Variants in ARHGEF10 observed in about 807,000 individuals in gnomAD.
The protein encoded by ARHGEF10 is Rho guanine nucleotide exchange factor (GEF) 10.
ARHGEF10 carries 140 observed loss-of-function variants against 147.4 expected under a neutral mutation model. That is an observed-to-expected ratio of 0.95 (90% CI 0.83 to 1.09). The LOEUF is 1.09. ARHGEF10 is among the 50% of genes least tolerant of loss of function. The pLI is 0.00. For missense variants in ARHGEF10, 2,222 were observed against 1,752.7 expected, an observed-to-expected ratio of 1.27 and a Z score of -4.78; for synonymous variants, 902 against 695.8, an observed-to-expected ratio of 1.30 and a Z score of -4.67.
chr8:1,841,962 A>AGGCGCCGAACCACGAGG (rs1563161841), intron 1 of ARHGEF10, among the ~76,000 whole-genome samples: 1 of 31,812 alleles, frequency 3.1e-5, no homozygotes. Context: ...TGGGGCCGCG[A>AGGCGCCGAACCACGAGG]CCGGAACTGG....
intron 2 of ARHGEF10, among the ~76,000 whole-genome samples, chr8:1,847,581 G>A (rs1804657788): frequency 6.6e-6 from 1 of 151,952 alleles, no homozygotes; most frequent in Non-Finnish European, 1.5e-5. Flanking sequence ...GTCTCTGGGG[G>A]CAGCTTTGTT....
chr8:1,923,927 C>G (rs1208536744), intron 21 of ARHGEF10, 53 bp downstream of exon 21: 3 of 1,541,822 alleles, frequency 1.9e-6, no homozygotes, highest in African/African-American at 2.7e-5. Flanking sequence ...ATGATGAATT[C>G]CTGCCCACGA....
At chr8:1,951,083 G>A (rs543103066) in intron 27 of ARHGEF10, among the ~76,000 whole-genome samples, 44 of 152,330 alleles carry the variant, frequency 2.9e-4, no homozygotes, top group African/African-American at 1.0e-3. Flanking sequence ...CCGGGTTCAG[G>A]TTTGATGCTG....
chr8:1,868,669 C>T (rs972942326), intron 6 of ARHGEF10, among the ~76,000 whole-genome samples: 1 of 152,190 alleles, frequency 6.6e-6, no homozygotes, highest in South Asian at 2.1e-4. Context: ...TTTTTACTTT[C>T]AGTGGCACAA....
intron 28 of ARHGEF10, among the ~76,000 whole-genome samples, 183 bp downstream of exon 28, chr8:1,953,010 C>T (rs541907365): frequency 2.0e-4 from 30 of 152,334 alleles, no homozygotes; most frequent in African/African-American, 5.3e-4. Context: ...TATATTTTTC[C>T]ATTTTTTACC....
At chr8:1,870,195 T>C (rs1403895619) in intron 7 of ARHGEF10, 1 of 150,614 alleles carries the variant, frequency 6.6e-6, no homozygotes, top group Non-Finnish European at 1.5e-5. Flanking sequence ...TCTGAAGTTC[T>C]GAAGTCGGCA....
chr8:1,880,035 C>G lies in ARHGEF10; in HGVS notation c.844-13C>G, dbSNP rs756142351. 1.3e-6 allele frequency: 2 copies of G among 1,573,060 alleles called. No individual in the cohort carries two copies. The highest frequency in any genetic ancestry group is 1.1e-5 in the South Asian group (1 of 90,284). ...GCCTTTTTGTGAAAAGACTGTGTCTCTTTATGCTGTAGCTTTCTCATGACC... is the reference window on the plus strand; with the variant it reads ...GCCTTTTTGTGAAAAGACTGTGTCTGTTTATGCTGTAGCTTTCTCATGACC... On this transcript the variant is annotated splice_polypyrimidine_tract_variant and intron_variant, in intron 8 of 28. Coordinates refer to ENST00000349830, the MANE Select transcript of ARHGEF10 (RefSeq NM_014629.4).
In ARHGEF10 at chr8:1,945,537, C is replaced by T. The variant is rs201688520; in HGVS notation, c.3279C>T (p.Ser1093=). ...EGMVISHMAV[S]GVGIWIAFTS... is the part of the protein sequence containing the mutation. ...TGGTGATCTCCCACATGGCCGTGTC[C>T]GGCGTCGGGATCTGGATTGCCTTCA... Residue 1093 remains serine, a synonymous_variant, in exon 27 of 29, where the codon TCC becomes TCT. Coordinates refer to ENST00000349830, the MANE Select transcript of ARHGEF10 (RefSeq NM_014629.4). 205 of 1,613,988 alleles carry T rather than the reference C, an allele frequency of 1.3e-4. No homozygotes were observed. The East Asian group carries it at 2.5e-3, about 20-fold the overall frequency.
At chr8:1,833,027 CAGGCAGAG>C (rs1563149353) in intron 1 of ARHGEF10, among the ~76,000 whole-genome samples, 3 of 2,402 alleles carry the variant, frequency 1.2e-3, no homozygotes, top group Non-Finnish European at 1.9e-3. Flanking sequence ...GAGGCAGAGA[CAGGCAGAG>C]AGAGACAGAG....
At chr8:1,956,674 C>A (rs528338235) in intron 28 of ARHGEF10, 75 bp from the exon 29 acceptor site, 2 of 1,559,088 alleles carry the variant, frequency 1.3e-6, no homozygotes, top group African/African-American at 1.4e-5. Flanking sequence ...TGGGGTTAAG[C>A]CCTGCACTTT....
chr8:1,857,669 T>C (rs943999292), intron 2 of ARHGEF10, among the ~76,000 whole-genome samples: 13 of 151,998 alleles, frequency 8.6e-5, no homozygotes, highest in Non-Finnish European at 1.3e-4. Context: ...CTGCCCACCT[T>C]GGCCTCCCAA....
intron 2 of ARHGEF10, among the ~76,000 whole-genome samples, chr8:1,853,040 G>C (rs1054122866): frequency 6.6e-6 from 1 of 152,170 alleles, no homozygotes. Context: ...CCCCAGGTTA[G>C]ATTTGGGCCG....
At chr8:1,886,171 GC>G (rs1183642285) in intron 11 of ARHGEF10, among the ~76,000 whole-genome samples, 1 of 152,184 alleles carries the variant, frequency 6.6e-6, no homozygotes, top group African/African-American at 2.4e-5. Flanking sequence ...ATACTCAGTA[GC>G]AGAAGGGAAA....
At chr8:1,833,073 GGC>G (rs1336132239) in intron 1 of ARHGEF10, among the ~76,000 whole-genome samples, 5 of 6,186 alleles carry the variant, frequency 8.1e-4, no homozygotes, top group African/African-American at 2.1e-3. Flanking sequence ...CAGAGACAGA[GGC>G]AGAGAGACAG....
At chr8:1,844,698 A>G (rs191066051) in intron 2 of ARHGEF10, among the ~76,000 whole-genome samples, 1 of 152,166 alleles carries the variant, frequency 6.6e-6, no homozygotes, top group Non-Finnish European at 1.5e-5. Context: ...TTTTGTCGCC[A>G]TGGTGCTCGT....
intron 15 of ARHGEF10, among the ~76,000 whole-genome samples, chr8:1,899,580 C>A (rs1810294009): frequency 6.6e-6 from 1 of 152,188 alleles, no homozygotes; most frequent in Non-Finnish European, 1.5e-5. Context: ...AGGATACATA[C>A]TAAAATATCG....
chr8:1,846,165 G>A (rs1339313886), intron 2 of ARHGEF10, among the ~76,000 whole-genome samples: 3 of 152,246 alleles, frequency 2.0e-5, no homozygotes, highest in Non-Finnish European at 4.4e-5. Context: ...GAGCCGCGGA[G>A]GGGCTGAGGA....
chr8:1,926,498 A>C, intron 23 of ARHGEF10, 35 bp downstream of exon 23: 1 of 1,581,586 alleles, frequency 6.3e-7, no homozygotes, highest in Non-Finnish European at 8.7e-7. Context: ...GTACAAGTTC[A>C]CAGAGAATCA....
rs1812722798 is a variant in ARHGEF10, at chr8:1,926,732, T to C, written c.2697+269T>C. On this transcript the variant is annotated intron_variant, in intron 23 of 28. Transcript: ENST00000349830. ...GTTGAGTCCAGAGACAACTAACTAA[T>C]AAGAGAATAATTTTAATATGTTTTT... The C allele has an allele frequency of 1.2e-5, 6 of 505,274 alleles. No individual in the cohort carries two copies. In the South Asian group the frequency reaches 1.4e-4, roughly 11 times the overall value. The allele number at this position is 505,274 out of a possible 1,614,324, so 31.3% of individuals were successfully genotyped here.
Sources: allele counts gnomAD v4.1 joint callset (sites outside exome capture counted in the v4.1 genomes callset), GRCh38; gene constraint gnomAD v4.1.1; transcripts MANE v1.5; gene names NCBI Gene and HGNC (gene_info 2026-07-23, HGNC 2026-07-21).